KALRN: variants seen among roughly 807,000 people sequenced by gnomAD.
KALRN encodes the protein kalirin.
Under a neutral mutation model 353.7 loss-of-function variants are expected in KALRN, and 70 were observed. The observed-to-expected ratio is 0.20, with a 90% CI of 0.16 to 0.24. The LOEUF (loss-of-function observed/expected upper bound fraction) is 0.24, where lower values mean the gene tolerates loss of function less well. KALRN is among the 10% of genes least tolerant of loss of function. KALRN has a pLI of 1.00. For synonymous variants in KALRN, 1,391 were observed against 1,434.8 expected, an observed-to-expected ratio of 0.97 and a Z score of 0.69; for missense variants, 2,791 against 3,756.7, an observed-to-expected ratio of 0.74 and a Z score of 6.72.
At chr3:124,491,243 C>A in intron 30 of KALRN, 80 bp from the exon 31 acceptor site, 1 of 914,168 alleles carries the variant, frequency 1.1e-6, no homozygotes. Flanking sequence ...CTCTTTGTTG[C>A]CTTTCCCTTC....
intron 6 of KALRN, among the ~76,000 whole-genome samples, chr3:124,321,853 G>A (rs536816935): frequency 5.3e-5 from 8 of 152,330 alleles, no homozygotes; most frequent in Admixed American, 5.2e-4. Context: ...GCCTTCTGCA[G>A]GGTAGATTGT....
chr3:124,384,976 G>A lies in KALRN; in HGVS notation c.1902G>A (p.Arg634=), dbSNP rs2087986630. The change falls in exon 11 of 60, where the codon AGG becomes AGA. Residue 634 remains arginine, a synonymous_variant. Coordinates refer to ENST00000682506, the MANE Select transcript of KALRN (RefSeq NM_001388419.1). ...LEVRIQDFVR[R]VEQRKLLLDM... ...TGCGCATCCAAGACTTCGTGCGCAG[G>A]GTGGAGCAGCGGAAGCTTCTCCTGG... is the stretch of plus-strand genomic sequence containing the variant. 6.2e-7 allele frequency: 1 copy of A among 1,613,884 alleles called. No individual in the cohort carries two copies. Among genetic ancestry groups the A allele is most frequent in the African/African-American group, 1.3e-5 (1 of 75,060 alleles).
chr3:124,196,214 A>C (rs2075407822), intron 1 of KALRN, among the ~76,000 whole-genome samples: 1 of 152,170 alleles, frequency 6.6e-6, no homozygotes, highest in Admixed American at 6.5e-5. Context: ...GTCTCAGACA[A>C]GCTGCAGGTG....
chr3:124,335,369 T>G (rs978353656), intron 9 of KALRN, among the ~76,000 whole-genome samples: 1 of 152,234 alleles, frequency 6.6e-6, no homozygotes, highest in African/African-American at 2.4e-5. Context: ...GTTTCTTTTT[T>G]TTTGTATTAT....
chr3:124,310,448 G>A (rs938153649), intron 6 of KALRN, among the ~76,000 whole-genome samples: 1 of 152,110 alleles, frequency 6.6e-6, no homozygotes, highest in African/African-American at 2.4e-5. Flanking sequence ...AGGAGATGCA[G>A]AATAGCCAAA....
At chr3:124,386,168 T>C (rs1400223588) in intron 11 of KALRN, among the ~76,000 whole-genome samples, 1 of 152,116 alleles carries the variant, frequency 6.6e-6, no homozygotes, top group African/African-American at 2.4e-5. Context: ...TGAAGCTGGA[T>C]TTGCTTCCTC....
At chr3:124,254,547 C>T (rs2071651420) in intron 3 of KALRN, among the ~76,000 whole-genome samples, 1 of 151,942 alleles carries the variant, frequency 6.6e-6, no homozygotes, top group African/African-American at 2.4e-5. Context: ...CTCTGAGCCT[C>T]AGTTTTCTTA....
intron 6 of KALRN, among the ~76,000 whole-genome samples, chr3:124,311,192 G>A: frequency 6.7e-6 from 1 of 149,848 alleles, no homozygotes; most frequent in East Asian, 2.0e-4. Flanking sequence ...AGGCGCAGTG[G>A]CTCACGCCTA....
At chr3:124,185,674 C>T (rs979974121) in intron 1 of KALRN, among the ~76,000 whole-genome samples, 5 of 152,334 alleles carry the variant, frequency 3.3e-5, no homozygotes, top group South Asian at 2.1e-4. Context: ...TCAGCTCAGG[C>T]GAACCTGGTG....
chr3:124,456,782 T>C, intron 23 of KALRN, 54 bp downstream of exon 23: 1 of 1,206,098 alleles, frequency 8.3e-7, no homozygotes, highest in Non-Finnish European at 1.2e-6. Flanking sequence ...TGCTGGGCTT[T>C]CACCGCTACT....
At chr3:124,080,576 T>C (rs2060490424) in intron 1 of KALRN, among the ~76,000 whole-genome samples, 1 of 152,236 alleles carries the variant, frequency 6.6e-6, no homozygotes, top group Non-Finnish European at 1.5e-5. Flanking sequence ...GCATAGTGTA[T>C]TTCACAGTGT....
At chr3:124,266,103 A>G (rs1277401688) in intron 4 of KALRN, among the ~76,000 whole-genome samples, 1 of 152,232 alleles carries the variant, frequency 6.6e-6, no homozygotes, top group African/African-American at 2.4e-5. Flanking sequence ...TGACAGAGCG[A>G]AACTCCTCAA....
intron 10 of KALRN, among the ~76,000 whole-genome samples, chr3:124,366,875 G>A (rs1576326455): frequency 1.5e-5 from 2 of 136,324 alleles, no homozygotes; most frequent in East Asian, 2.3e-4. Flanking sequence ...GGCTGGCCGG[G>A]CGGGGGGCTG....
intron 34 of KALRN, among the ~76,000 whole-genome samples, chr3:124,594,424 C>G (rs186681446): frequency 8.1e-4 from 124 of 152,284 alleles, no homozygotes; most frequent in Admixed American, 2.2e-3. Context: ...TGGGGTTTCA[C>G]CATGTTGGCC....
intron 1 of KALRN, among the ~76,000 whole-genome samples, chr3:124,185,760 G>A (rs2074144370): frequency 6.6e-6 from 1 of 152,240 alleles, no homozygotes; most frequent in Non-Finnish European, 1.5e-5. Context: ...TGGGGAGAGG[G>A]AGAAGAGGAT....
chr3:124,289,900 C>T (rs568416705), intron 5 of KALRN, among the ~76,000 whole-genome samples: 12 of 152,152 alleles, frequency 7.9e-5, no homozygotes, highest in East Asian at 5.8e-4. Context: ...GTTGTGGGCC[C>T]GGGTGGATAT....
chr3:124,040,792 C>T (rs966092736), intron 1 of KALRN, among the ~76,000 whole-genome samples: 3 of 152,112 alleles, frequency 2.0e-5, no homozygotes, highest in African/African-American at 7.2e-5. Context: ...CACAAGAAAT[C>T]CTAGTTATCC....
intron 1 of KALRN, among the ~76,000 whole-genome samples, chr3:124,039,296 C>T (rs973899420): frequency 2.6e-5 from 4 of 152,184 alleles, no homozygotes; most frequent in Admixed American, 6.5e-5. Context: ...TCACAGCTCA[C>T]GATGACAGCC....
chr3:124,666,735 G>A, intron 46 of KALRN, 101 bp downstream of exon 46: 1 of 963,072 alleles, frequency 1.0e-6, no homozygotes, highest in South Asian at 1.5e-5. Flanking sequence ...CCAGAACCGT[G>A]AAGATCTTTC....
Sources: allele counts gnomAD v4.1 joint callset (sites outside exome capture counted in the v4.1 genomes callset), GRCh38; gene constraint gnomAD v4.1.1; transcripts MANE v1.5; gene names NCBI Gene and HGNC (gene_info 2026-07-23, HGNC 2026-07-21).